DEPDC1B: variants seen among roughly 807,000 people sequenced by gnomAD.
DEPDC1B encodes the protein DEP domain-containing protein 1B.
Under a neutral mutation model 66.5 loss-of-function variants are expected in DEPDC1B, and 51 were observed. The ratio of observed to expected loss-of-function variants is 0.77; its 90% CI spans 0.61 to 0.97. The LOEUF (loss-of-function observed/expected upper bound fraction) is 0.97, where lower values mean the gene tolerates loss of function less well. Ranked by LOEUF, DEPDC1B falls within the 50% of genes least tolerant of loss-of-function variation. DEPDC1B has a pLI of 0.00. For synonymous variants in DEPDC1B, 226 were observed against 223.6 expected (o/e 1.01, Z -0.10); for missense variants, 552 against 637.1 (o/e 0.87, Z 1.44).
intron 2 of DEPDC1B, among the ~76,000 whole-genome samples, chr5:60,652,742 T>A (rs186712561): frequency 2.0e-5 from 3 of 149,172 alleles, no homozygotes; most frequent in Non-Finnish European, 2.9e-5. Context: ...TATAGTCTTT[T>A]ATCCCTCATC....
chr5:60,640,015 G>C (rs1753151297), intron 6 of DEPDC1B, among the ~76,000 whole-genome samples: 1 of 152,138 alleles, frequency 6.6e-6, no homozygotes, highest in African/African-American at 2.4e-5. Flanking sequence ...AAAGCATTCT[G>C]GGTCTTTACA....
chr5:60,597,830 G>A lies in DEPDC1B; in HGVS notation c.1513C>T (p.Pro505Ser), dbSNP rs1401542660. Residue 505 changes from proline (P) to serine (S), a missense_variant, in exon 11 of 11, where the codon CCG (proline) becomes TCG (serine). Physicochemically the swap from Pro to Ser is moderately conservative, Grantham distance 74. Coordinates refer to ENST00000265036, the MANE Select transcript of DEPDC1B (RefSeq NM_018369.3). ...AALLFPEKPK[P>S]KPQLLMWALK... ...GCCCACATTAGCAGCTGTGGTTTCG[G>A]TTTGGGTTTTTCAGGAAACAGAAGT... 1.9e-6 allele frequency: 3 copies of A among 1,613,470 alleles called. No individual in the cohort carries two copies. The highest frequency in any genetic ancestry group is 2.5e-6 in the Non-Finnish European group (3 of 1,179,640).
At chr5:60,623,227 A>G (rs905615185) in intron 7 of DEPDC1B, among the ~76,000 whole-genome samples, 1 of 152,154 alleles carries the variant, frequency 6.6e-6, no homozygotes, top group African/African-American at 2.4e-5. Flanking sequence ...TTCCAACACT[A>G]CCCTGAAAAG....
chr5:60,677,324 A>ACTCTCT lies in DEPDC1B; in HGVS notation c.314+9637_314+9638insAGAGAG, dbSNP rs753946184. ...CACACACACACACACACACACACAC[A>ACTCTCT]CACTCTCTCTCTCTCTCTCTCTCTC... On this transcript the variant is annotated intron_variant, in intron 2 of 10. Coordinates refer to ENST00000265036, the MANE Select transcript of DEPDC1B (RefSeq NM_018369.3). 3.7e-3 allele frequency among the ~76,000 whole-genome samples: 289 copies of ACTCTCT among 78,740 alleles called. 1 individual carries two copies. Among genetic ancestry groups the ACTCTCT allele is most frequent in the South Asian group, 0.02 (45 of 2,284 alleles). 51.7% of individuals were successfully genotyped at this position (78,740 alleles called of 152,430 possible).
intron 7 of DEPDC1B, among the ~76,000 whole-genome samples, chr5:60,636,615 C>T (rs550180332): frequency 6.6e-6 from 1 of 152,242 alleles, no homozygotes; most frequent in Admixed American, 6.5e-5. Context: ...CAGAATCTAA[C>T]AGGATTGCTA....
intron 2 of DEPDC1B, among the ~76,000 whole-genome samples, chr5:60,675,893 T>A (rs1303366830): frequency 6.9e-6 from 1 of 145,138 alleles, no homozygotes; most frequent in Non-Finnish European, 1.5e-5. Context: ...GCCTTCTCTG[T>A]TTCTTTTTTC....
chr5:60,653,678 T>C (rs932817846), intron 2 of DEPDC1B, among the ~76,000 whole-genome samples: 4 of 152,216 alleles, frequency 2.6e-5, no homozygotes, highest in African/African-American at 9.6e-5. Flanking sequence ...TCATGAAGTC[T>C]TTGTCTAAGC....
rs1356177127 is a variant in DEPDC1B, at chr5:60,599,242, C to A, written c.1261G>T (p.Asp421Tyr). 6.2e-7 allele frequency: 1 copy of A among 1,604,016 alleles called. No homozygotes were observed. Among genetic ancestry groups the A allele is most frequent in the South Asian group, 1.1e-5 (1 of 88,372 alleles). ...RRVQIKYPGADMDITLSAPSF... is the reference protein window; with the variant it reads ...RRVQIKYPGAYMDITLSAPSF... ...GGAGCAGATAAAGTGATATCCATAT[C>A]AGCTCCTGGGTATTTTATCTGAGGC... The change falls in exon 10 of 11, where the codon GAT becomes TAT. Residue 421 changes from aspartate (D) to tyrosine (Y), a missense_variant. Physicochemically the swap from Asp to Tyr is radical, Grantham distance 160. Transcript: ENST00000265036.
intron 2 of DEPDC1B, among the ~76,000 whole-genome samples, chr5:60,665,094 G>A (rs1753807569): frequency 6.6e-6 from 1 of 152,128 alleles, no homozygotes; most frequent in African/African-American, 2.4e-5. Flanking sequence ...CTAGTATGGA[G>A]TAATCCCCTC....
At chr5:60,616,542 G>A (rs913567403) in intron 7 of DEPDC1B, among the ~76,000 whole-genome samples, 1 of 152,218 alleles carries the variant, frequency 6.6e-6, no homozygotes, top group African/African-American at 2.4e-5. Flanking sequence ...AAGGGTATCA[G>A]TGATGGAAGA....
At chr5:60,630,025 C>T (rs1478717055) in intron 7 of DEPDC1B, among the ~76,000 whole-genome samples, 1 of 152,108 alleles carries the variant, frequency 6.6e-6, no homozygotes, top group Non-Finnish European at 1.5e-5. Flanking sequence ...ATTTGAGTTT[C>T]CCTAAACATA....
intron 2 of DEPDC1B, among the ~76,000 whole-genome samples, chr5:60,676,057 A>G (rs968006086): frequency 1.3e-5 from 2 of 151,860 alleles, no homozygotes; most frequent in African/African-American, 4.8e-5. Context: ...CCTCCCGAGT[A>G]GCTGGGACTA....
chr5:60,668,054 G>T (rs1387219283), intron 2 of DEPDC1B, among the ~76,000 whole-genome samples: 7 of 79,800 alleles, frequency 8.8e-5, no homozygotes, highest in Non-Finnish European at 1.6e-4. Flanking sequence ...TATATAAAAT[G>T]GATATTTTAT....
At chr5:60,654,846 G>A (rs1449123328) in intron 2 of DEPDC1B, among the ~76,000 whole-genome samples, 1 of 148,802 alleles carries the variant, frequency 6.7e-6, no homozygotes, top group African/African-American at 2.5e-5. Flanking sequence ...AGTGATGCTG[G>A]ATTTTGTCAA....
intron 7 of DEPDC1B, among the ~76,000 whole-genome samples, chr5:60,634,621 G>A (rs956512156): frequency 5.3e-5 from 8 of 151,462 alleles, no homozygotes; most frequent in Admixed American, 2.6e-4. Context: ...GCAGTGAGCC[G>A]AGATCATGCC....
At chr5:60,611,350 C>T (rs1370492239) in intron 7 of DEPDC1B, among the ~76,000 whole-genome samples, 1 of 152,082 alleles carries the variant, frequency 6.6e-6, no homozygotes, top group Non-Finnish European at 1.5e-5. Context: ...CTCTCTATTC[C>T]CTCAGACACA....
chr5:60,607,282 G>A (rs1403679093), intron 7 of DEPDC1B, among the ~76,000 whole-genome samples: 2 of 152,204 alleles, frequency 1.3e-5, no homozygotes, highest in South Asian at 4.1e-4. Flanking sequence ...GGCAGTGGAT[G>A]TGCATGGACG....
chr5:60,618,100 GAC>G (rs2111770659), intron 7 of DEPDC1B, among the ~76,000 whole-genome samples: 1 of 152,292 alleles, frequency 6.6e-6, no homozygotes, highest in East Asian at 1.9e-4. Context: ...TGAGAACAAA[GAC>G]AAAACATACC....
intron 6 of DEPDC1B, among the ~76,000 whole-genome samples, chr5:60,640,718 A>C (rs1753170227): frequency 6.6e-6 from 1 of 152,192 alleles, no homozygotes. Flanking sequence ...GAAGAGAAAG[A>C]GGTGAGCAGC....
Sources: allele counts gnomAD v4.1 joint callset (sites outside exome capture counted in the v4.1 genomes callset), GRCh38; gene constraint gnomAD v4.1.1; transcripts MANE v1.5; gene names NCBI Gene and HGNC (gene_info 2026-07-23, HGNC 2026-07-21).